PXDNL: variants seen among roughly 807,000 people sequenced by gnomAD.
PXDNL encodes peroxidasin like, also known as probable oxidoreductase PXDNL.
PXDNL carries 145 observed loss-of-function variants against 150.8 expected under a neutral mutation model. The ratio of observed to expected loss-of-function variants is 0.96; its 90% CI spans 0.84 to 1.10. The LOEUF is 1.10. Among genes scored for constraint, PXDNL ranks in the 50% least tolerant of loss-of-function variants. PXDNL has a pLI of 0.00. For missense variants in PXDNL, 2,087 were observed against 1,873.9 expected, an observed-to-expected ratio of 1.11 and a Z score of -2.10; for synonymous variants, 757 against 725.7, an observed-to-expected ratio of 1.04 and a Z score of -0.69.
chr8:51,686,511 T>C (rs1454256610), intron 1 of PXDNL, among the ~76,000 whole-genome samples: 2 of 152,230 alleles, frequency 1.3e-5, no homozygotes, highest in African/African-American at 2.4e-5. Flanking sequence ...TAAGTCCTAC[T>C]TGACTAGCAG....
At chr8:51,587,388 A>AT (rs1323181521) in intron 3 of PXDNL, among the ~76,000 whole-genome samples, 1 of 152,136 alleles carries the variant, frequency 6.6e-6, no homozygotes, top group Non-Finnish European at 1.5e-5. Flanking sequence ...AAACAATTGT[A>AT]TTTTTTTAAT....
At chr8:51,328,626 T>C (rs1805588393) in intron 21 of PXDNL, among the ~76,000 whole-genome samples, 1 of 152,088 alleles carries the variant, frequency 6.6e-6, no homozygotes, top group Non-Finnish European at 1.5e-5. Context: ...AATAGTAACT[T>C]CCCGAACTAA....
chr8:51,748,255 G>A (rs1265650281), intron 1 of PXDNL, among the ~76,000 whole-genome samples: 4 of 152,300 alleles, frequency 2.6e-5, no homozygotes, highest in East Asian at 1.9e-4. Context: ...ACAAGTTAAC[G>A]TTTGCCTCCT....
At chr8:51,495,936 T>A (rs1585524715) in intron 5 of PXDNL, among the ~76,000 whole-genome samples, 1 of 152,268 alleles carries the variant, frequency 6.6e-6, no homozygotes, top group East Asian at 1.9e-4. Context: ...TTTATGAGGC[T>A]GGCATCATCC....
At chr8:51,513,813 T>G (rs1811476571) in intron 4 of PXDNL, among the ~76,000 whole-genome samples, 1 of 152,194 alleles carries the variant, frequency 6.6e-6, no homozygotes. Context: ...AATTCTACAA[T>G]GTTCTAAATA....
intron 2 of PXDNL, among the ~76,000 whole-genome samples, chr8:51,595,223 C>G (rs1482720855): frequency 1.3e-5 from 2 of 152,038 alleles, no homozygotes; most frequent in Non-Finnish European, 2.9e-5. Context: ...AAACACAAAG[C>G]CTTACCCAGA....
chr8:51,545,329 T>G (rs1444881284), intron 4 of PXDNL, among the ~76,000 whole-genome samples: 1 of 152,198 alleles, frequency 6.6e-6, no homozygotes, highest in Admixed American at 6.5e-5. Context: ...AATGTATACT[T>G]GATTGGTTAA....
chr8:51,805,172 G>C (rs75002175), intron 1 of PXDNL, among the ~76,000 whole-genome samples: 3,768 of 151,898 alleles, frequency 0.025, 159 homozygotes, highest in African/African-American at 0.085. Context: ...TGCCAGGTGG[G>C]GGAAGGTCCA....
At chr8:51,560,287 ATT>A (rs374220447) in intron 3 of PXDNL, among the ~76,000 whole-genome samples, 3 of 150,740 alleles carry the variant, frequency 2.0e-5, no homozygotes, top group African/African-American at 4.9e-5. Context: ...TTTCAATGGC[ATT>A]TTTTTTTGCA....
intron 2 of PXDNL, among the ~76,000 whole-genome samples, chr8:51,613,429 T>A (rs1563483837): frequency 2.4e-5 from 3 of 126,462 alleles, no homozygotes; most frequent in Middle Eastern, 0.012. Flanking sequence ...GTACACGTGA[T>A]CACCCAGAGA....
intron 2 of PXDNL, among the ~76,000 whole-genome samples, chr8:51,642,986 G>A (rs1814807873): frequency 6.6e-6 from 1 of 152,038 alleles, no homozygotes; most frequent in African/African-American, 2.4e-5. Context: ...AACTTACAAG[G>A]GATGTGAAGG....
chr8:51,401,931 A>G (rs1808259869), intron 17 of PXDNL, among the ~76,000 whole-genome samples: 1 of 152,216 alleles, frequency 6.6e-6, no homozygotes, highest in Non-Finnish European at 1.5e-5. Flanking sequence ...AAAGGCTGAC[A>G]TGAATATGAA....
At chr8:51,581,865 T>C (rs956515920) in intron 3 of PXDNL, among the ~76,000 whole-genome samples, 2 of 152,154 alleles carry the variant, frequency 1.3e-5, no homozygotes, top group African/African-American at 4.8e-5. Flanking sequence ...ATGGGAGATG[T>C]TTCATTACTG....
intron 1 of PXDNL, among the ~76,000 whole-genome samples, chr8:51,683,304 T>G (rs1171479670): frequency 1.3e-5 from 2 of 149,674 alleles, no homozygotes; most frequent in Non-Finnish European, 3.0e-5. Flanking sequence ...GGCTTTGATT[T>G]GCATCTCCCT....
intron 19 of PXDNL, among the ~76,000 whole-genome samples, chr8:51,353,376 T>G (rs939496258): frequency 3.3e-5 from 5 of 151,890 alleles, no homozygotes; most frequent in Non-Finnish European, 7.4e-5. Context: ...TTAATTTATT[T>G]TTATTATTTC....
intron 8 of PXDNL, among the ~76,000 whole-genome samples, chr8:51,468,877 G>A (rs940527329): frequency 1.3e-5 from 2 of 151,742 alleles, no homozygotes; most frequent in African/African-American, 2.4e-5. Context: ...ATTGTCTAAC[G>A]TTCTACTTTT....
intron 2 of PXDNL, among the ~76,000 whole-genome samples, chr8:51,638,600 A>T (rs1030325752): frequency 1.3e-5 from 2 of 152,168 alleles, no homozygotes; most frequent in Non-Finnish European, 2.9e-5. Context: ...AAAAGAGACA[A>T]AGAAGGCCAT....
intron 1 of PXDNL, among the ~76,000 whole-genome samples, chr8:51,735,812 C>T (rs573275699): frequency 7.0e-4 from 106 of 152,016 alleles, no homozygotes; most frequent in African/African-American, 2.4e-3. Flanking sequence ...TCCCAAAGTG[C>T]TGGGATTACA....
chr8:51,759,184 G>A (rs1334783304), intron 1 of PXDNL, among the ~76,000 whole-genome samples: 1 of 152,136 alleles, frequency 6.6e-6, no homozygotes, highest in Non-Finnish European at 1.5e-5. Context: ...TCAGTCTTGT[G>A]ATGCTCTCCC....
Sources: allele counts gnomAD v4.1 joint callset (sites outside exome capture counted in the v4.1 genomes callset), GRCh38; gene constraint gnomAD v4.1.1; transcripts MANE v1.5; gene names NCBI Gene and HGNC (gene_info 2026-07-23, HGNC 2026-07-21).